The following DOCK3 variants were observed in gnomAD, a reference collection of about 807,000 sequenced individuals.
DOCK3 encodes the protein dedicator of cytokinesis protein 3.
A neutral mutation model predicts 265.6 loss-of-function variants in DOCK3; 60 were observed. That is an observed-to-expected ratio of 0.23 (90% CI 0.18 to 0.28). The LOEUF is 0.28. Among genes scored for constraint, DOCK3 ranks in the 10% least tolerant of loss-of-function variants. The pLI is 1.00. For synonymous variants in DOCK3, 881 were observed against 938.0 expected (o/e 0.94, Z 1.11); for missense variants, 1,981 against 2,594.3 (o/e 0.76, Z 5.14).
rs570142839 is a variant in DOCK3 at position 50,730,594 on chromosome 3, G to A, written c.38-48081G>A. Among the ~76,000 whole-genome samples the A allele has an allele frequency of 8.5e-5, 13 of 152,246 alleles. No homozygotes were observed. The South Asian group carries it at 2.5e-3, about 29-fold the overall frequency. On this transcript the variant is annotated intron_variant, in intron 1 of 52. Coordinates refer to ENST00000266037, the MANE Select transcript of DOCK3 (RefSeq NM_004947.5). Reference sequence around the variant, plus strand: ...TGTAATTGCAGCGCTTTGGGAGGTCGAGGTGGGAGGGTCTCTTGAGGCCAA... The same window carrying A: ...TGTAATTGCAGCGCTTTGGGAGGTCAAGGTGGGAGGGTCTCTTGAGGCCAA...
At chr3:51,356,905 A>G (rs1031685522) in intron 43 of DOCK3, 57 bp from the exon 44 acceptor site, 1 of 1,527,830 alleles carries the variant, frequency 6.5e-7, no homozygotes, top group Non-Finnish European at 8.8e-7. Flanking sequence ...GCTCTCAGGA[A>G]GATGATGAGG....
intron 23 of DOCK3, among the ~76,000 whole-genome samples, chr3:51,268,622 A>T (rs2080324562): frequency 1.3e-5 from 2 of 152,156 alleles, no homozygotes; most frequent in African/African-American, 4.8e-5. Context: ...AGATTAAAAT[A>T]GTCTACTTTT....
intron 4 of DOCK3, among the ~76,000 whole-genome samples, chr3:50,890,672 A>T (rs1326600007): frequency 6.6e-6 from 1 of 152,080 alleles, no homozygotes; most frequent in African/African-American, 2.4e-5. Flanking sequence ...TATTTTTCAA[A>T]ATTTATTATT....
intron 1 of DOCK3, among the ~76,000 whole-genome samples, chr3:50,778,205 A>T (rs17660179): frequency 0.094 from 14,351 of 152,002 alleles, 834 homozygotes; most frequent in Non-Finnish European, 0.12. Context: ...TATGCTTTCT[A>T]TTTCATTAGT....
At chr3:50,732,209 G>A (rs2038262101) in intron 1 of DOCK3, among the ~76,000 whole-genome samples, 1 of 152,048 alleles carries the variant, frequency 6.6e-6, no homozygotes, top group Non-Finnish European at 1.5e-5. Flanking sequence ...TGAACACTGA[G>A]AACACATGGA....
chr3:51,150,346 C>T (rs1281327424), intron 10 of DOCK3, among the ~76,000 whole-genome samples: 1 of 152,122 alleles, frequency 6.6e-6, no homozygotes, highest in African/African-American at 2.4e-5. Context: ...TTCAGTTCTG[C>T]TCTGATCTCA....
intron 7 of DOCK3, among the ~76,000 whole-genome samples, chr3:51,085,644 T>C (rs1229541640): frequency 6.6e-6 from 1 of 151,916 alleles, no homozygotes; most frequent in Non-Finnish European, 1.5e-5. Context: ...ACACAACATA[T>C]CCAAATTCTG....
At chr3:50,869,389 T>A (rs1343898520) in intron 3 of DOCK3, among the ~76,000 whole-genome samples, 2 of 96,992 alleles carry the variant, frequency 2.1e-5, no homozygotes, top group African/African-American at 9.3e-5. Flanking sequence ...TTTTTTTTTT[T>A]TGGAGATAGG....
At chr3:50,701,530 G>C (rs545052990) in intron 1 of DOCK3, among the ~76,000 whole-genome samples, 144 of 152,310 alleles carry the variant, frequency 9.5e-4, no homozygotes, top group African/African-American at 3.4e-3. Context: ...CTCCCATTCT[G>C]TGTGTTGTCT....
At chr3:51,088,269 G>A (rs373165271) in intron 7 of DOCK3, among the ~76,000 whole-genome samples, 4 of 152,182 alleles carry the variant, frequency 2.6e-5, no homozygotes, top group South Asian at 2.1e-4. Flanking sequence ...GTTGAGAATC[G>A]TGGGGTGGTG....
Position 51,375,598 on chromosome 3 carries a change from G to A in DOCK3, c.5413-150G>A, listed in dbSNP as rs765893506. On this transcript the variant is annotated intron_variant, in intron 50 of 52. Transcript: ENST00000266037. ...CAGTCTTTCCTAGGGCTGGCCTGGG[G>A]GTCTCAGTATATCTCAAGTGTGAGC... 171 of 818,780 alleles carry A rather than the reference G, an allele frequency of 2.1e-4. 2 individuals are homozygous for A. Among genetic ancestry groups the A allele is most frequent in the Non-Finnish European group, 3.2e-5 (16 of 499,196 alleles). 50.7% of individuals were successfully genotyped at this position (818,780 alleles called of 1,614,324 possible).
intron 1 of DOCK3, among the ~76,000 whole-genome samples, chr3:50,763,645 T>C (rs1433543416): frequency 6.6e-6 from 1 of 152,214 alleles, no homozygotes; most frequent in Non-Finnish European, 1.5e-5. Flanking sequence ...CCATTTACTC[T>C]AGCTTATGAA....
At chr3:50,888,280 A>T (rs1170968038) in intron 3 of DOCK3, among the ~76,000 whole-genome samples, 1 of 152,164 alleles carries the variant, frequency 6.6e-6, no homozygotes, top group Non-Finnish European at 1.5e-5. Context: ...AGAGAATAAA[A>T]TACCTAGGAA....
chr3:51,209,467 A>G (rs1410561591), intron 13 of DOCK3, among the ~76,000 whole-genome samples: 1 of 152,182 alleles, frequency 6.6e-6, no homozygotes, highest in Non-Finnish European at 1.5e-5. Flanking sequence ...ATTGTTTTCT[A>G]AGTTCATTAA....
At chr3:50,740,942 T>C (rs1025369756) in intron 1 of DOCK3, among the ~76,000 whole-genome samples, 1 of 152,058 alleles carries the variant, frequency 6.6e-6, no homozygotes, top group African/African-American at 2.4e-5. Flanking sequence ...CCGAACTTTT[T>C]TATTACACCA....
At chr3:51,034,917 C>T (rs1042300990) in intron 5 of DOCK3, among the ~76,000 whole-genome samples, 6 of 151,908 alleles carry the variant, frequency 3.9e-5, no homozygotes, top group African/African-American at 7.3e-5. Context: ...GTGGTCTGGC[C>T]TCAGTTTCTG....
chr3:51,379,340 CAT>C lies in DOCK3; in HGVS notation c.5501-784_5501-783del, dbSNP rs552939474. On this transcript the variant is annotated intron_variant, in intron 51 of 52. Coordinates refer to ENST00000266037, the MANE Select transcript of DOCK3 (RefSeq NM_004947.5). ...TAGTTCCAGGTGCTGGCATGCCCCA[CAT>C]GTGTGCTGGATACGTGGTGCACACT... 985 of 968,780 alleles carry C rather than the reference CAT, an allele frequency of 1.0e-3. 8 individuals carry two copies. The African/African-American group carries it at 0.016, about 16-fold the overall frequency. The allele number at this position is 968,780 out of a possible 1,614,324, so 60.0% of individuals were successfully genotyped here.
chr3:51,305,716 CTG>C (rs574341888), intron 27 of DOCK3, among the ~76,000 whole-genome samples: 294 of 66,964 alleles, frequency 4.4e-3, no homozygotes, highest in South Asian at 0.026. Context: ...GTGTGTGTGT[CTG>C]TGTGTGTGTG....
At chr3:51,210,427 G>T (rs1188252111) in intron 13 of DOCK3, among the ~76,000 whole-genome samples, 1 of 152,190 alleles carries the variant, frequency 6.6e-6, no homozygotes, top group African/African-American at 2.4e-5. Flanking sequence ...GGAGGAACAG[G>T]CTGCTGCTTT....
Sources: allele counts gnomAD v4.1 joint callset (sites outside exome capture counted in the v4.1 genomes callset), GRCh38; gene constraint gnomAD v4.1.1; transcripts MANE v1.5; gene names NCBI Gene and HGNC (gene_info 2026-07-23, HGNC 2026-07-21).